The following NPR3 variants were observed in gnomAD, a reference collection of about 807,000 sequenced individuals.
NPR3 encodes natriuretic peptide receptor 3, also known as atrial natriuretic peptide receptor 3.
Under a neutral mutation model 54.5 loss-of-function variants are expected in NPR3, and 34 were observed. The observed-to-expected ratio is 0.62, with a 90% CI of 0.47 to 0.83. The LOEUF (loss-of-function observed/expected upper bound fraction) is 0.83, where lower values mean the gene tolerates loss of function less well. NPR3 is among the 40% of genes least tolerant of loss of function. The probability of loss-of-function intolerance (pLI) is 0.00; values close to 1 mark genes in which losing one functional copy is unlikely to be tolerated. For missense variants in NPR3, 674 were observed against 720.8 expected, an observed-to-expected ratio of 0.94 and a Z score of 0.74; for synonymous variants, 289 against 297.1, an observed-to-expected ratio of 0.97 and a Z score of 0.28.
chr5:32,723,167 C>A (rs1738954227), intron 1 of NPR3, among the ~76,000 whole-genome samples: 1 of 152,198 alleles, frequency 6.6e-6, no homozygotes, highest in Non-Finnish European at 1.5e-5. Context: ...GGCTGGCATG[C>A]ATCGTGATAA....
chr5:32,714,166 G>A (rs1738419819), intron 1 of NPR3, among the ~76,000 whole-genome samples: 1 of 151,856 alleles, frequency 6.6e-6, no homozygotes. Flanking sequence ...CCCAAGGCCG[G>A]CTGGGACTGG....
rs116049595 is a variant in NPR3 at position 32,782,695 on chromosome 5, A to G, written c.1291-198A>G. On this transcript the variant is annotated intron_variant, in intron 5 of 7. Transcript: ENST00000265074. ...CACACCATGACCATCAGTGTGGACA[A>G]CCGAGGAACGTGCCCAATGTACCAC... Among the ~76,000 whole-genome samples, 165 of 152,310 alleles carry G rather than the reference A, an allele frequency of 1.1e-3. 1 individual carries two copies. The highest frequency in any genetic ancestry group is 3.9e-3 in the African/African-American group (161 of 41,580).
rs1226214760 is a variant in NPR3, at chr5:32,711,676, G to A, written c.-101G>A. 1 of 1,325,922 alleles carries A rather than the reference G, an allele frequency of 7.5e-7. No homozygotes were observed. 82.1% of individuals were successfully genotyped at this position (1,325,922 alleles called of 1,614,324 possible). ...ATTTTGTTAAAGCGCCCAAGGGGGCGCAGGGACCTTGGAGAGAAGAGTGGG... is the reference window on the plus strand; with the variant it reads ...ATTTTGTTAAAGCGCCCAAGGGGGCACAGGGACCTTGGAGAGAAGAGTGGG... On this transcript the variant is annotated 5_prime_UTR_variant, in exon 1 of 8. Coordinates refer to ENST00000265074, the MANE Select transcript of NPR3 (RefSeq NM_001204375.2).
intron 2 of NPR3, among the ~76,000 whole-genome samples, chr5:32,732,744 T>C (rs980812027): frequency 2.6e-5 from 4 of 152,196 alleles, no homozygotes; most frequent in African/African-American, 9.7e-5. Flanking sequence ...TGAAAAGTTG[T>C]TCAACATCTA....
intron 3 of NPR3, among the ~76,000 whole-genome samples, chr5:32,743,960 A>G (rs1193829320): frequency 1.3e-5 from 2 of 150,346 alleles, no homozygotes; most frequent in African/African-American, 4.9e-5. Flanking sequence ...CTAGTGAACC[A>G]AGGGGAAATC....
intron 1 of NPR3, among the ~76,000 whole-genome samples, chr5:32,713,708 G>T (rs547006395): frequency 2.0e-5 from 3 of 152,348 alleles, no homozygotes; most frequent in Admixed American, 1.3e-4. Flanking sequence ...TGGTCGTAGG[G>T]GACAGCGCAA....
chr5:32,791,065 G>A lies in NPR3; in HGVS notation c.*4720G>A, dbSNP rs919138762. On this transcript the variant is annotated 3_prime_UTR_variant, in exon 8 of 8. Coordinates refer to ENST00000265074, the MANE Select transcript of NPR3 (RefSeq NM_001204375.2). Reference sequence around the variant, plus strand: ...AAAGCTGTCACGGTGCATGATAGTTGGACAGAGATGGCTAAAAAAGAGGCA... The same window carrying A: ...AAAGCTGTCACGGTGCATGATAGTTAGACAGAGATGGCTAAAAAAGAGGCA... The A allele has an allele frequency of 6.0e-6, 1 of 167,054 alleles. No individual in the cohort carries two copies. The highest frequency in any genetic ancestry group is 1.5e-5 in the Non-Finnish European group (1 of 68,100). 10.3% of individuals were successfully genotyped at this position (167,054 alleles called of 1,614,324 possible). A position where few individuals can be genotyped will look rare whatever the true frequency, so the allele number is the denominator to read the frequency against.
chr5:32,735,362 C>G (rs1739674262), intron 2 of NPR3, among the ~76,000 whole-genome samples: 1 of 151,946 alleles, frequency 6.6e-6, no homozygotes, highest in African/African-American at 2.4e-5. Context: ...TACTGTTGTA[C>G]AGTCTTGAGA....
chr5:32,712,315 C>T lies in NPR3; in HGVS notation c.539C>T (p.Ala180Val), dbSNP rs1417407093. ...TCGCACCTCACGCGCGTGGCGCCCG[C>T]CTACGCCAAGATGGGCGAGATGATG... is the stretch of plus-strand genomic sequence containing the variant. ...EYSHLTRVAP[A>V]YAKMGEMMLA... The change falls in exon 1 of 8, where the codon GCC (alanine) becomes GTC (valine). Residue 180 changes from alanine to valine, a missense_variant. Transcript: ENST00000265074. 6.2e-7 allele frequency: 1 copy of T among 1,613,324 alleles called. No homozygotes were observed. The highest frequency in any genetic ancestry group is 1.7e-5 in the Admixed American group (1 of 60,008).
chr5:32,752,191 C>A (rs186368238), intron 3 of NPR3, among the ~76,000 whole-genome samples: 1 of 151,702 alleles, frequency 6.6e-6, no homozygotes, highest in African/African-American at 2.4e-5. Flanking sequence ...GCAACAAGAG[C>A]GAGACTCCTC....
At chr5:32,703,702 C>T (rs1737894684) in intron 1 of NPR3, among the ~76,000 whole-genome samples, 3 of 152,204 alleles carry the variant, frequency 2.0e-5, no homozygotes, top group Non-Finnish European at 2.9e-5. Context: ...GTGGCCTATC[C>T]TACTGTGGCT....
In NPR3 at chr5:32,778,588, T is replaced by C. The variant is rs78875663; in HGVS notation, c.1196-2134T>C. On this transcript the variant is annotated intron_variant, in intron 4 of 7. Transcript: ENST00000265074. ...TGAGAGGTCAGAGTGACAAGGTAAATAGGACTGTGGCTTAAACTTTGAGCT... is the reference window on the plus strand; with the variant it reads ...TGAGAGGTCAGAGTGACAAGGTAAACAGGACTGTGGCTTAAACTTTGAGCT... Among the ~76,000 whole-genome samples, 798 of 152,246 alleles carry C rather than the reference T, an allele frequency of 5.2e-3. 11 individuals are homozygous for C. The highest frequency in any genetic ancestry group is 0.032 in the South Asian group (152 of 4,816).
intron 3 of NPR3, among the ~76,000 whole-genome samples, chr5:32,758,183 G>A (rs1268646247): frequency 6.6e-6 from 1 of 152,194 alleles, no homozygotes; most frequent in South Asian, 2.1e-4. Flanking sequence ...AATGGTACCA[G>A]TTCCTCCTTG....
chr5:32,753,529 G>A (rs906731902), intron 3 of NPR3, among the ~76,000 whole-genome samples: 7 of 151,554 alleles, frequency 4.6e-5, no homozygotes, highest in Admixed American at 3.3e-4. Context: ...GGAGTCTGAG[G>A]CAAAACTGTA....
At chr5:32,717,447 G>C (rs1439655658) in intron 1 of NPR3, among the ~76,000 whole-genome samples, 1 of 152,150 alleles carries the variant, frequency 6.6e-6, no homozygotes, top group Non-Finnish European at 1.5e-5. Context: ...CACAATGGTT[G>C]AACTATAATT....
rs1738276622 is a variant in NPR3, at chr5:32,712,077, G to C, written c.301G>C (p.Val101Leu). ...TCTGCCGCCGGGCACTCGCTTCCAG[G>C]TGGCTTACGAGGATTCAGACTGTGG... ...RLLPPGTRFQ[V>L]AYEDSDCGNR... is the part of the protein sequence containing the mutation. Residue 101 changes from valine (V) to leucine (L), a missense_variant, in exon 1 of 8, where the codon GTG becomes CTG. Val to Leu is a conservative substitution (Grantham distance 32). Transcript: ENST00000265074. 2 of 1,613,850 alleles carry C rather than the reference G, an allele frequency of 1.2e-6. No individual in the cohort carries two copies. The highest frequency in any genetic ancestry group is 1.7e-6 in the Non-Finnish European group (2 of 1,179,808).
intron 5 of NPR3, 58 bp from the exon 6 acceptor site, chr5:32,782,835 G>T: frequency 6.6e-7 from 1 of 1,511,064 alleles, no homozygotes; most frequent in South Asian, 1.3e-5. Context: ...GGAAGGCTGC[G>T]AGCTTTGTGC....
chr5:32,710,619 G>T (rs1738157633), upstream of NPR3: 4 of 1,437,322 alleles, frequency 2.8e-6, no homozygotes, highest in Non-Finnish European at 2.8e-6. Flanking sequence ...GAGGAAGGCG[G>T]GGTGTAGGTG....
chr5:32,746,100 T>C (rs1740284000), intron 3 of NPR3, among the ~76,000 whole-genome samples: 1 of 152,248 alleles, frequency 6.6e-6, no homozygotes, highest in African/African-American at 2.4e-5. Flanking sequence ...GGACAGTTTA[T>C]TTTGTAGCAG....
Sources: gnomAD v4.1 joint callset for allele counts (sites outside exome capture counted in the v4.1 genomes callset) on GRCh38, gnomAD v4.1.1 for gene constraint, MANE v1.5 for transcripts, NCBI Gene and HGNC (gene_info 2026-07-23, HGNC 2026-07-21) for gene names.